The following NT5DC3 variants were observed in gnomAD, a reference collection of about 807,000 sequenced individuals.
The protein encoded by NT5DC3 is 5'-nucleotidase domain-containing protein 3.
A neutral mutation model predicts 67.8 loss-of-function variants in NT5DC3; 42 were observed. The observed-to-expected ratio is 0.62, with a 90% CI of 0.48 to 0.80. NT5DC3 has a LOEUF of 0.80. NT5DC3 is among the 30% of genes least tolerant of loss of function. NT5DC3 has a pLI of 0.00. For missense variants in NT5DC3, 570 were observed against 696.4 expected, an observed-to-expected ratio of 0.82 and a Z score of 2.04; for synonymous variants, 237 against 255.6, an observed-to-expected ratio of 0.93 and a Z score of 0.69.
downstream of NT5DC3, chr12:103,771,303 T>A (rs1447840972): frequency 6.6e-6 from 1 of 152,232 alleles, no homozygotes; most frequent in Non-Finnish European, 1.5e-5. Context: ...GTCAAAATCT[T>A]CCTTTGGTTT....
chr12:103,832,340 C>T (rs752366288), intron 1 of NT5DC3, among the ~76,000 whole-genome samples: 1 of 151,912 alleles, frequency 6.6e-6, no homozygotes, highest in African/African-American at 2.4e-5. Context: ...TATAGATTCC[C>T]GGGTCTTACC....
At chr12:103,769,606 C>T (rs537550669), downstream of NT5DC3, among the ~76,000 whole-genome samples, 1 of 152,348 alleles carries the variant, frequency 6.6e-6, no homozygotes, top group Non-Finnish European at 1.5e-5. Flanking sequence ...ATGGTCCAGG[C>T]TCCTTGTTAC....
intron 4 of NT5DC3, among the ~76,000 whole-genome samples, chr12:103,804,398 G>A (rs1213089172): frequency 1.3e-5 from 2 of 152,136 alleles, no homozygotes; most frequent in African/African-American, 4.8e-5. Flanking sequence ...TCAGCACAAG[G>A]AGGCACCAGG....
the NT5DC3 span, chr12:103,750,797 A>C: frequency 2.6e-4 from 384 of 1,497,974 alleles, 3 homozygotes; most frequent in East Asian, 8.1e-3. Context: ...GGGAAAGAAG[A>C]AAAACAAAAC....
chr12:103,763,354 G>T, the NT5DC3 span: 1 of 676,156 alleles, frequency 1.5e-6, no homozygotes, highest in East Asian at 2.5e-5. Context: ...TATTATATGT[G>T]AATCATCTCT....
At chr12:103,810,422 T>C (rs1311230483) in intron 2 of NT5DC3, among the ~76,000 whole-genome samples, 3 of 152,172 alleles carry the variant, frequency 2.0e-5, no homozygotes, top group Admixed American at 2.0e-4. Flanking sequence ...CGGTCTCAGC[T>C]AGATTTTCAG....
chr12:103,817,989 G>A (rs1887335654), intron 1 of NT5DC3, among the ~76,000 whole-genome samples: 1 of 152,194 alleles, frequency 6.6e-6, no homozygotes. Context: ...GACCAACCCA[G>A]CCACAGTGAG....
chr12:103,761,525 G>GAGCCTCC, the NT5DC3 span: 20,453 of 933,192 alleles, frequency 0.022, 1,183 homozygotes, highest in East Asian at 0.15. Flanking sequence ...GAGACTGGAG[G>GAGCCTCC]AGCCTCCAGC....
intron 4 of NT5DC3, among the ~76,000 whole-genome samples, chr12:103,800,663 C>T (rs896048379): frequency 1.3e-5 from 2 of 152,352 alleles, no homozygotes; most frequent in Admixed American, 1.3e-4. Context: ...ACAACTGCAG[C>T]AGGCATGGGC....
chr12:103,834,844 C>T (rs1888077774), intron 1 of NT5DC3, among the ~76,000 whole-genome samples: 1 of 152,152 alleles, frequency 6.6e-6, no homozygotes, highest in Non-Finnish European at 1.5e-5. Flanking sequence ...ATGAAAGAAA[C>T]AGATCAAGTG....
the NT5DC3 span, among the ~76,000 whole-genome samples, chr12:103,747,818 A>C: frequency 5.9e-5 from 9 of 152,078 alleles, no homozygotes; most frequent in African/African-American, 1.9e-4. Flanking sequence ...AACATGGTGA[A>C]ACCCCATCTC....
the NT5DC3 span, among the ~76,000 whole-genome samples, chr12:103,756,796 A>C: frequency 2.0e-5 from 3 of 152,036 alleles, no homozygotes; most frequent in African/African-American, 7.2e-5. Flanking sequence ...GTCTCTGTCC[A>C]CAGACCAAAG....
chr12:103,839,966 T>C (rs1159219107), intron 1 of NT5DC3, among the ~76,000 whole-genome samples: 3 of 152,128 alleles, frequency 2.0e-5, no homozygotes, highest in African/African-American at 7.2e-5. Context: ...AAGTAACCAA[T>C]ATACAAATTT....
At chr12:103,752,190 T>C in the NT5DC3 span, among the ~76,000 whole-genome samples, 2 of 152,266 alleles carry the variant, frequency 1.3e-5, no homozygotes, top group East Asian at 3.9e-4. Context: ...AGAAATAACA[T>C]ATATATCTAA....
chr12:103,794,094 G>A, intron 6 of NT5DC3, 97 bp from the exon 7 acceptor site: 1 of 900,286 alleles, frequency 1.1e-6, no homozygotes, highest in Non-Finnish European at 1.8e-6. Context: ...TCTGTCCCTA[G>A]AAAGTCTGAC....
At chr12:103,797,782 G>T (rs2139358982) in intron 5 of NT5DC3, among the ~76,000 whole-genome samples, 1 of 152,292 alleles carries the variant, frequency 6.6e-6, no homozygotes, top group Non-Finnish European at 1.5e-5. Flanking sequence ...CTGAATACTT[G>T]CGATTTACAC....
At chr12:103,747,296 A>T in the NT5DC3 span, among the ~76,000 whole-genome samples, 2 of 152,354 alleles carry the variant, frequency 1.3e-5, no homozygotes, top group East Asian at 3.9e-4. Flanking sequence ...TCAGCCATAC[A>T]GAGGCCCAAA....
the NT5DC3 span, chr12:103,762,434 G>C: frequency 2.5e-6 from 4 of 1,613,966 alleles, no homozygotes; most frequent in Non-Finnish European, 3.4e-6. Flanking sequence ...ATGATGATGG[G>C]GTCCTCTCCA....
chr12:103,768,888 G>A (rs895398911), downstream of NT5DC3: 1 of 151,932 alleles, frequency 6.6e-6, no homozygotes, highest in Non-Finnish European at 1.5e-5. Flanking sequence ...GTTACTGGAA[G>A]ACCCAGAAGA....
Sources: gnomAD v4.1 joint callset for allele counts (sites outside exome capture counted in the v4.1 genomes callset) on GRCh38, gnomAD v4.1.1 for gene constraint, MANE v1.5 for transcripts, NCBI Gene and HGNC (gene_info 2026-07-23, HGNC 2026-07-21) for gene names.